The following CSNK2A2IP variants were observed in gnomAD, a reference collection of about 807,000 sequenced individuals.
CSNK2A2IP encodes casein kinase 2 subunit alpha' interacting protein.
chr3:88,358,410 C>T, the CSNK2A2IP span, among the ~76,000 whole-genome samples: 243 of 152,186 alleles, frequency 1.6e-3, no homozygotes, highest in Non-Finnish European at 2.7e-3. Flanking sequence ...TGCCTTGTTC[C>T]GGATCTTAAA....
At chr3:88,339,524 T>A in the CSNK2A2IP span, among the ~76,000 whole-genome samples, 13 of 152,168 alleles carry the variant, frequency 8.5e-5, no homozygotes, top group Admixed American at 7.9e-4. Flanking sequence ...GATACCTCTT[T>A]GATATGTTGA....
chr3:88,453,402 A>G, the CSNK2A2IP span, among the ~76,000 whole-genome samples: 5 of 152,140 alleles, frequency 3.3e-5, no homozygotes, highest in African/African-American at 1.2e-4. Flanking sequence ...TTTATATTGC[A>G]TATTCTGAGT....
the CSNK2A2IP span, among the ~76,000 whole-genome samples, chr3:88,407,818 G>A: frequency 1.3e-5 from 2 of 152,120 alleles, no homozygotes; most frequent in East Asian, 3.9e-4. Context: ...CCGCCTCCCA[G>A]GTTCAAGTAA....
At chr3:88,352,731 A>G in the CSNK2A2IP span, among the ~76,000 whole-genome samples, 1 of 152,036 alleles carries the variant, frequency 6.6e-6, no homozygotes, top group East Asian at 1.9e-4. Context: ...GGCTTGTGAT[A>G]TCACACCCCG....
chr3:88,457,039 CAG>C, the CSNK2A2IP span, among the ~76,000 whole-genome samples: 5 of 151,982 alleles, frequency 3.3e-5, no homozygotes, highest in African/African-American at 9.7e-5. Context: ...AAATAAATAA[CAG>C]GGGTACAATA....
At chr3:88,453,185 T>A in the CSNK2A2IP span, among the ~76,000 whole-genome samples, 4 of 152,100 alleles carry the variant, frequency 2.6e-5, no homozygotes, top group African/African-American at 4.8e-5. Context: ...AAGAGAGTTA[T>A]TCTCTTAGAA....
the CSNK2A2IP span, among the ~76,000 whole-genome samples, chr3:88,388,241 C>T: frequency 4.6e-5 from 7 of 152,132 alleles, no homozygotes; most frequent in African/African-American, 1.7e-4. Context: ...CACTCACATA[C>T]TATTATTGTC....
At chr3:88,430,052 C>T in the CSNK2A2IP span, among the ~76,000 whole-genome samples, 4 of 152,174 alleles carry the variant, frequency 2.6e-5, no homozygotes, top group South Asian at 2.1e-4. Flanking sequence ...TGAGCCACTG[C>T]GCCCGGCCGA....
chr3:88,415,813 G>A, the CSNK2A2IP span, among the ~76,000 whole-genome samples: 7 of 151,996 alleles, frequency 4.6e-5, no homozygotes, highest in African/African-American at 1.7e-4. Flanking sequence ...TGTTTTCTTT[G>A]TCCCTGCAAC....
the CSNK2A2IP span, among the ~76,000 whole-genome samples, chr3:88,346,766 A>C: frequency 6.6e-6 from 1 of 152,034 alleles, no homozygotes; most frequent in Non-Finnish European, 1.5e-5. Context: ...GTACAAGGAG[A>C]TTAATGTTGT....
At chr3:88,340,569 G>T in the CSNK2A2IP span, among the ~76,000 whole-genome samples, 1 of 152,016 alleles carries the variant, frequency 6.6e-6, no homozygotes, top group East Asian at 1.9e-4. Flanking sequence ...CTGTGATCGG[G>T]AGCTATTTGT....
chr3:88,362,489 C>A, the CSNK2A2IP span, among the ~76,000 whole-genome samples: 1 of 152,134 alleles, frequency 6.6e-6, no homozygotes, highest in Admixed American at 6.6e-5. Context: ...CACTGAGCAG[C>A]CTGGAGTTGA....
the CSNK2A2IP span, among the ~76,000 whole-genome samples, chr3:88,419,296 T>C: frequency 6.6e-6 from 1 of 152,182 alleles, no homozygotes; most frequent in African/African-American, 2.4e-5. Flanking sequence ...GGCACCTTTA[T>C]TCCCTTTTTT....
chr3:88,465,112 G>A, the CSNK2A2IP span: 2 of 337,032 alleles, frequency 5.9e-6, no homozygotes, highest in Non-Finnish European at 5.3e-6. Context: ...GGAGAAAAAA[G>A]TATAGGAAAC....
At chr3:88,399,674 A>T in the CSNK2A2IP span, 1 of 152,198 alleles carries the variant, frequency 6.6e-6, no homozygotes. Context: ...CTTCCTCCGC[A>T]AACTAAAGAC....
the CSNK2A2IP span, among the ~76,000 whole-genome samples, chr3:88,457,694 T>TAAAAATAAAATAAAA: frequency 2.2e-5 from 1 of 45,840 alleles, no homozygotes. Context: ...AGACTCAGTC[T>TAAAAATAAAATAAAA]CAAAATAAAA....
the CSNK2A2IP span, among the ~76,000 whole-genome samples, chr3:88,345,172 T>C: frequency 6.6e-6 from 1 of 152,032 alleles, no homozygotes; most frequent in Non-Finnish European, 1.5e-5. Flanking sequence ...ACTGCTTAGC[T>C]AATCCTGATT....
chr3:88,393,541 T>G, the CSNK2A2IP span, among the ~76,000 whole-genome samples: 1 of 151,970 alleles, frequency 6.6e-6, no homozygotes, highest in Non-Finnish European at 1.5e-5. Context: ...ATACACATAT[T>G]TATGTACTTA....
At chr3:88,377,496 C>T in the CSNK2A2IP span, among the ~76,000 whole-genome samples, 1 of 149,034 alleles carries the variant, frequency 6.7e-6, no homozygotes, top group African/African-American at 2.5e-5. Flanking sequence ...ATTACAATTG[C>T]TTTTTTTTTT....
Sources: gnomAD v4.1 joint callset for allele counts (sites outside exome capture counted in the v4.1 genomes callset) on GRCh38, gnomAD v4.1.1 for gene constraint, MANE v1.5 for transcripts, NCBI Gene and HGNC (gene_info 2026-07-23, HGNC 2026-07-21) for gene names.